The following PDPK1 variants were observed in gnomAD, a reference collection of about 807,000 sequenced individuals.
PDPK1 encodes the protein 3-phosphoinositide-dependent protein kinase 1.
A neutral mutation model predicts 39.8 loss-of-function variants in PDPK1; 7 were observed. That is an observed-to-expected ratio of 0.18 (90% CI 0.10 to 0.33). The LOEUF (loss-of-function observed/expected upper bound fraction) is 0.33. PDPK1 is among the 10% of genes least tolerant of loss of function. The pLI is 1.00. For missense variants in PDPK1, 182 were observed against 384.7 expected, an observed-to-expected ratio of 0.47 and a Z score of 4.41; for synonymous variants, 118 against 159.1, an observed-to-expected ratio of 0.74 and a Z score of 1.95.
chr16:2,540,824 T>C (rs2141932927), intron 1 of PDPK1, among the ~76,000 whole-genome samples: 1 of 152,272 alleles, frequency 6.6e-6, no homozygotes, highest in East Asian at 1.9e-4. Context: ...AAACATGTAA[T>C]GATTTTGCTG....
chr16:2,551,673 T>G (rs1180002535), intron 1 of PDPK1, among the ~76,000 whole-genome samples: 8 of 137,032 alleles, frequency 5.8e-5, no homozygotes, highest in East Asian at 3.9e-4. Context: ...TTTTTTTTTT[T>G]TTTTTGTTTT....
At chr16:2,544,698 C>G (rs1436278387) in intron 1 of PDPK1, among the ~76,000 whole-genome samples, 1 of 152,014 alleles carries the variant, frequency 6.6e-6, no homozygotes, top group East Asian at 1.9e-4. Flanking sequence ...ATTCTCCTGC[C>G]TCAGCCTCCC....
At chr16:2,589,385 C>T (rs752852874) in intron 11 of PDPK1, among the ~76,000 whole-genome samples, 11 of 152,028 alleles carry the variant, frequency 7.2e-5, no homozygotes, top group Non-Finnish European at 1.2e-4. Flanking sequence ...TGAAGTTTTC[C>T]TTGTGCCTAC....
chr16:2,589,455 A>C (rs2066943645), intron 11 of PDPK1, among the ~76,000 whole-genome samples: 1 of 152,126 alleles, frequency 6.6e-6, no homozygotes, highest in South Asian at 2.1e-4. Context: ...TTTGGAGGCC[A>C]AGGTGGGTGG....
chr16:2,578,126 G>A (rs1488663734), intron 7 of PDPK1, among the ~76,000 whole-genome samples: 4 of 148,950 alleles, frequency 2.7e-5, no homozygotes, highest in Non-Finnish European at 4.4e-5. Flanking sequence ...GCCCCCCGTC[G>A]GGGTGGAGGG....
At chr16:2,547,323 A>G (rs1201475226) in intron 1 of PDPK1, among the ~76,000 whole-genome samples, 1 of 137,214 alleles carries the variant, frequency 7.3e-6, no homozygotes, top group Non-Finnish European at 1.5e-5. Flanking sequence ...CTGAGGGAGT[A>G]CACAGCTCCT....
chr16:2,541,525 T>A (rs967121035), intron 1 of PDPK1, among the ~76,000 whole-genome samples: 1 of 152,158 alleles, frequency 6.6e-6, no homozygotes, highest in Non-Finnish European at 1.5e-5. Context: ...CAGTTCTGTG[T>A]GGGGCAGGTT....
chr16:2,599,420 C>T lies in PDPK1; in HGVS notation c.*1653C>T, dbSNP rs367998725. On this transcript the variant is annotated 3_prime_UTR_variant, in exon 14 of 14. Coordinates refer to ENST00000342085, the MANE Select transcript of PDPK1 (RefSeq NM_002613.5). ...CTCTTTTTAGCTAGGCGAGTACAGA[C>T]GGGGCCTGGGAGGGGGCAGAGATGT... 17 of 233,148 alleles carry T rather than the reference C, an allele frequency of 7.3e-5. No homozygotes were observed. Among genetic ancestry groups the T allele is most frequent in the African/African-American group, 1.5e-4 (7 of 45,350 alleles). 14.4% of individuals were successfully genotyped at this position (233,148 alleles called of 1,614,324 possible).
chr16:2,595,476 T>A (rs1216120063), intron 11 of PDPK1, among the ~76,000 whole-genome samples: 1 of 152,212 alleles, frequency 6.6e-6, no homozygotes, highest in African/African-American at 2.4e-5. Context: ...AGCAATGACC[T>A]GTGTCACCTG....
chr16:2,544,024 C>T (rs546728607), intron 1 of PDPK1, among the ~76,000 whole-genome samples: 68 of 152,110 alleles, frequency 4.5e-4, no homozygotes, highest in African/African-American at 1.6e-3. Context: ...CGTGAGCCAC[C>T]GTGCCCGGCC....
Position 2,597,140 on chromosome 16 carries a change from A to G in PDPK1, c.1419A>G (p.Arg473=). 1 of 1,566,408 alleles carries G rather than the reference A, an allele frequency of 6.4e-7. No individual in the cohort carries two copies. Among genetic ancestry groups the G allele is most frequent in the Non-Finnish European group, 8.7e-7 (1 of 1,148,016 alleles). ...VDKRKGLFAR[R]RQLLLTEGPH... ...GGCGTCAGGGTTTATTTGCAAGACG[A>G]CGACAGCTGTTGCTCACAGAAGGAC... The change falls in exon 13 of 14, where the codon CGA becomes CGG. Residue 473 remains arginine, a synonymous_variant. Coordinates refer to ENST00000342085, the MANE Select transcript of PDPK1 (RefSeq NM_002613.5). The surrounding 1 kb of genome is among the most constrained non-coding windows in gnomAD (Gnocchi z 6.3).
At chr16:2,559,234 C>T (rs1171778913) in intron 2 of PDPK1, among the ~76,000 whole-genome samples, 1 of 147,246 alleles carries the variant, frequency 6.8e-6, no homozygotes, top group Non-Finnish European at 1.5e-5. Context: ...TTTTTTGAGA[C>T]AGAGTCTTGC....
chr16:2,551,725 G>A (rs1387525052), intron 1 of PDPK1, among the ~76,000 whole-genome samples: 1 of 147,758 alleles, frequency 6.8e-6, no homozygotes, highest in Non-Finnish European at 1.5e-5. Context: ...GGAATGCGGT[G>A]ACGCAATCTC....
intron 7 of PDPK1, among the ~76,000 whole-genome samples, chr16:2,580,331 CAGG>C (rs1221877031): frequency 6.9e-6 from 1 of 145,160 alleles, no homozygotes; most frequent in Non-Finnish European, 1.5e-5. Flanking sequence ...CCTGCATGGG[CAGG>C]AGGAGGTCTC....
chr16:2,544,240 G>C (rs1467763598), intron 1 of PDPK1, among the ~76,000 whole-genome samples: 5 of 152,196 alleles, frequency 3.3e-5, no homozygotes, highest in African/African-American at 1.2e-4. Flanking sequence ...AAGAGACCTG[G>C]TTGCAAAGCA....
At chr16:2,551,659 C>CTTTTTTTTTTTTTTTTTTTTTTTTTT (rs1174322765) in intron 1 of PDPK1, among the ~76,000 whole-genome samples, 1 of 132,944 alleles carries the variant, frequency 7.5e-6, no homozygotes, top group African/African-American at 2.8e-5. Flanking sequence ...TGATTTCCAT[C>CTTTTTTTTTTTTTTTTTTTTTTTTTT]TTTTTTTTTT....
At position 2,538,831 on chromosome 16, in the gene PDPK1, T is replaced by G. The variant is rs2066187767; in HGVS notation, c.24+695T>G. 7 of 1,155,050 alleles carry G rather than the reference T, an allele frequency of 6.1e-6. No individual in the cohort carries two copies. In the South Asian group the frequency reaches 1.0e-4, roughly 17 times the overall value. The allele number at this position is 1,155,050 out of a possible 1,614,324, so 71.6% of individuals were successfully genotyped here. ...CCACTTGTTGGGTGAAATGTTTTGC[T>G]AAAAGTGTCGCTGGTGTTTCTATAT... On this transcript the variant is annotated intron_variant, in intron 1 of 13. Transcript: ENST00000342085.
Position 2,597,048 on chromosome 16 carries a change from G to T in PDPK1, c.1402-75G>T. The T allele has an allele frequency of 1.6e-6, 2 of 1,280,844 alleles. No homozygotes were observed. The highest frequency in any genetic ancestry group is 1.1e-6 in the Non-Finnish European group (1 of 935,868). The allele number at this position is 1,280,844 out of a possible 1,614,324, so 79.3% of individuals were successfully genotyped here. A position where few individuals can be genotyped will look rare whatever the true frequency, so the allele number is the denominator to read the frequency against. ...GTGTCCTGAGCAGCTCCGAGGGGCC[G>T]CCCAGCCCTCTAGGCTCCAGGAGAT... On this transcript the variant is annotated intron_variant, in intron 12 of 13. Transcript: ENST00000342085. This position sits in a 1 kb window ranked among gnomAD's most constrained non-coding sequence, Gnocchi z 6.3.
At chr16:2,541,738 C>T (rs2066249008) in intron 1 of PDPK1, among the ~76,000 whole-genome samples, 1 of 152,218 alleles carries the variant, frequency 6.6e-6, no homozygotes, top group South Asian at 2.1e-4. Flanking sequence ...ACATGAGTTG[C>T]TCAGGTCTTT....
Sources: gnomAD v4.1 joint callset for allele counts (sites outside exome capture counted in the v4.1 genomes callset) on GRCh38, gnomAD v4.1.1 for gene constraint, Gnocchi (gnomAD v3.1) non-coding constraint, MANE v1.5 for transcripts, NCBI Gene and HGNC (gene_info 2026-07-23, HGNC 2026-07-21) for gene names.